RANBP2: variants seen among roughly 807,000 people sequenced by gnomAD.
The protein encoded by RANBP2 is RAN binding protein 2.
A neutral mutation model predicts 303.6 loss-of-function variants in RANBP2; 57 were observed. That is an observed-to-expected ratio of 0.19 (90% CI 0.15 to 0.23). The LOEUF (loss-of-function observed/expected upper bound fraction) is 0.23. Among genes scored for constraint, RANBP2 ranks in the 10% least tolerant of loss-of-function variants. RANBP2 has a pLI of 1.00. For synonymous variants in RANBP2, 1,167 were observed against 1,301.5 expected, an observed-to-expected ratio of 0.90 and a Z score of 2.23; for missense variants, 3,138 against 3,780.8, an observed-to-expected ratio of 0.83 and a Z score of 4.46.
the RANBP2 span, among the ~76,000 whole-genome samples, chr2:109,352,025 GGTAGA>G: frequency 6.6e-6 from 1 of 152,210 alleles, no homozygotes; most frequent in Non-Finnish European, 1.5e-5. Context: ...TCTAGCATGA[GGTAGA>G]CACAGATTCA....
chr2:109,292,952 G>A, the RANBP2 span, among the ~76,000 whole-genome samples: 19 of 152,120 alleles, frequency 1.2e-4, no homozygotes, highest in Admixed American at 1.2e-3. Flanking sequence ...GGCTGGTCTC[G>A]AACTCCTGAC....
chr2:109,408,920 G>A, the RANBP2 span, among the ~76,000 whole-genome samples: 1 of 152,194 alleles, frequency 6.6e-6, no homozygotes, highest in African/African-American at 2.4e-5. Context: ...TGTGAGGAAG[G>A]CCATGAGCGG....
At chr2:108,863,694 T>C in the RANBP2 span, among the ~76,000 whole-genome samples, 1 of 152,302 alleles carries the variant, frequency 6.6e-6, no homozygotes, top group Non-Finnish European at 1.5e-5. Context: ...TTATCATCAT[T>C]ATTTATTAAG....
chr2:108,972,520 G>A, the RANBP2 span, among the ~76,000 whole-genome samples: 10 of 152,336 alleles, frequency 6.6e-5, no homozygotes, highest in East Asian at 5.8e-4. Flanking sequence ...AGGCTGCAAC[G>A]GGCCGAGGCA....
chr2:108,876,009 C>A, the RANBP2 span: 1 of 847,820 alleles, frequency 1.2e-6, no homozygotes, highest in Non-Finnish European at 1.8e-6. Context: ...CATGTTTACA[C>A]ATAAATTATC....
At chr2:109,421,328 C>T in the RANBP2 span, among the ~76,000 whole-genome samples, 38 of 152,366 alleles carry the variant, frequency 2.5e-4, no homozygotes, top group Admixed American at 2.4e-3. Context: ...TGCCTGTACA[C>T]AGGCTCTCAG....
At chr2:109,596,106 G>T in the RANBP2 span, among the ~76,000 whole-genome samples, 1 of 152,136 alleles carries the variant, frequency 6.6e-6, no homozygotes, top group Admixed American at 6.6e-5. Flanking sequence ...ATCACAGCTC[G>T]CTGCAGCCTC....
the RANBP2 span, among the ~76,000 whole-genome samples, chr2:109,188,441 G>T: frequency 6.6e-6 from 1 of 152,218 alleles, no homozygotes; most frequent in Non-Finnish European, 1.5e-5. Context: ...CCACACAACA[G>T]GTGTGGATGA....
the RANBP2 span, among the ~76,000 whole-genome samples, chr2:109,069,799 A>G: frequency 5.1e-3 from 782 of 152,212 alleles, 10 homozygotes; most frequent in African/African-American, 0.018. Context: ...CATTTAGTCT[A>G]TTCCTTCAAC....
chr2:109,161,591 G>C, the RANBP2 span, among the ~76,000 whole-genome samples: 2 of 151,674 alleles, frequency 1.3e-5, no homozygotes, highest in South Asian at 2.1e-4. Context: ...AGGTTTATTT[G>C]GGTCACAATT....
the RANBP2 span, among the ~76,000 whole-genome samples, chr2:108,814,402 A>C: frequency 6.6e-6 from 1 of 152,136 alleles, no homozygotes; most frequent in African/African-American, 2.4e-5. Flanking sequence ...AATTGGAGTA[A>C]ATTGAAAAGG....
At chr2:109,090,085 T>C in the RANBP2 span, among the ~76,000 whole-genome samples, 7 of 152,090 alleles carry the variant, frequency 4.6e-5, no homozygotes, top group African/African-American at 1.7e-4. Flanking sequence ...AGGTGACTGA[T>C]AGGTGTCCCA....
chr2:109,037,571 A>G, the RANBP2 span, among the ~76,000 whole-genome samples: 2 of 152,226 alleles, frequency 1.3e-5, no homozygotes, highest in Non-Finnish European at 2.9e-5. Context: ...CAAGGAATTT[A>G]CAAATAACTC....
At chr2:109,030,352 A>G in the RANBP2 span, among the ~76,000 whole-genome samples, 1 of 152,220 alleles carries the variant, frequency 6.6e-6, no homozygotes, top group Non-Finnish European at 1.5e-5. Context: ...TTAGAATTCT[A>G]TTTTAAGTGA....
the RANBP2 span, among the ~76,000 whole-genome samples, chr2:109,170,248 TC>T: frequency 0.014 from 93 of 6,654 alleles, no homozygotes; most frequent in African/African-American, 0.037. Flanking sequence ...TTTTCTTTTC[TC>T]TTCTCTTCTC....
the RANBP2 span, among the ~76,000 whole-genome samples, chr2:109,580,564 C>T: frequency 1.3e-5 from 2 of 152,098 alleles, no homozygotes; most frequent in South Asian, 2.1e-4. Context: ...GTGCCCACTA[C>T]CATCACTGAC....
chr2:109,614,859 C>T, the RANBP2 span: 3 of 1,401,338 alleles, frequency 2.1e-6, no homozygotes, highest in Non-Finnish European at 2.8e-6. Context: ...CGCGGCGGCC[C>T]CGGAGTCGCT....
chr2:109,170,284 CT>C, the RANBP2 span, among the ~76,000 whole-genome samples: 3 of 128,294 alleles, frequency 2.3e-5, no homozygotes, highest in Non-Finnish European at 3.3e-5. Context: ...CTTCTCTTCT[CT>C]TCTCTTCTCT....
the RANBP2 span, among the ~76,000 whole-genome samples, chr2:109,417,250 G>T: frequency 6.6e-6 from 1 of 152,158 alleles, no homozygotes; most frequent in Non-Finnish European, 1.5e-5. Flanking sequence ...CCCTTGGGGT[G>T]TCTCTGCCCT....
Sources: allele counts gnomAD v4.1 joint callset (sites outside exome capture counted in the v4.1 genomes callset), GRCh38; gene constraint gnomAD v4.1.1; transcripts MANE v1.5; gene names NCBI Gene and HGNC (gene_info 2026-07-23, HGNC 2026-07-21).